The following GMDS variants were observed in gnomAD, a reference collection of about 807,000 sequenced individuals.
The protein encoded by GMDS is GDP-mannose 4,6 dehydratase.
Under a neutral mutation model 49.9 loss-of-function variants are expected in GMDS, and 20 were observed. The observed-to-expected ratio is 0.40, with a 90% CI of 0.28 to 0.58. The LOEUF (loss-of-function observed/expected upper bound fraction) is 0.58. Ranked by LOEUF, GMDS falls within the 20% of genes least tolerant of loss-of-function variation. The probability of loss-of-function intolerance (pLI) is 0.42; values close to 1 mark genes in which losing one functional copy is unlikely to be tolerated. For missense variants in GMDS, 362 were observed against 481.4 expected (o/e 0.75, Z 2.32); for synonymous variants, 177 against 178.6 (o/e 0.99, Z 0.07).
chr6:2,019,862 G>A (rs528254695), intron 4 of GMDS, among the ~76,000 whole-genome samples: 1 of 152,168 alleles, frequency 6.6e-6, no homozygotes, highest in South Asian at 2.1e-4. Flanking sequence ...TTTGCCCTTT[G>A]TTCTACTGAT....
At chr6:1,970,875 A>T (rs1471576485) in intron 4 of GMDS, among the ~76,000 whole-genome samples, 2 of 150,612 alleles carry the variant, frequency 1.3e-5, no homozygotes, top group Non-Finnish European at 3.0e-5. Context: ...AGGTGATGGG[A>T]TGATAGGTGC....
intron 7 of GMDS, among the ~76,000 whole-genome samples, chr6:1,751,421 CA>C (rs1413946963): frequency 3.3e-5 from 5 of 152,038 alleles, no homozygotes; most frequent in African/African-American, 1.2e-4. Context: ...CTGGTGATAC[CA>C]AAAAAAACTG....
chr6:1,973,745 A>C (rs747993022), intron 4 of GMDS, among the ~76,000 whole-genome samples: 17 of 152,208 alleles, frequency 1.1e-4, no homozygotes, highest in Admixed American at 2.0e-4. Flanking sequence ...GGAAGAGAGC[A>C]ATAACCTTGG....
At chr6:2,134,879 AAT>A in intron 1 of GMDS, among the ~76,000 whole-genome samples, 1 of 152,358 alleles carries the variant, frequency 6.6e-6, no homozygotes, top group African/African-American at 2.4e-5. Context: ...CTATCAAAAT[AAT>A]ATCTTACATT....
chr6:2,018,950 C>T (rs919082206), intron 4 of GMDS, among the ~76,000 whole-genome samples: 3 of 152,010 alleles, frequency 2.0e-5, no homozygotes, highest in Non-Finnish European at 2.9e-5. Flanking sequence ...TACATTCACA[C>T]CAGCAGTGTA....
At chr6:2,061,718 C>CAAAAAA (rs68037512) in intron 4 of GMDS, among the ~76,000 whole-genome samples, 3 of 57,092 alleles carry the variant, frequency 5.3e-5, no homozygotes, top group Non-Finnish European at 9.2e-5. Context: ...GACTCTGTCT[C>CAAAAAA]AAAAAAAAAA....
intron 7 of GMDS, among the ~76,000 whole-genome samples, chr6:1,882,846 G>A (rs544339220): frequency 4.6e-4 from 70 of 152,194 alleles, no homozygotes; most frequent in South Asian, 1.2e-3. Context: ...AGAATTCCCC[G>A]GTCTTTATAA....
At chr6:1,726,621 C>A (rs1476874067) in intron 8 of GMDS, 109 bp from the exon 9 acceptor site, 5 of 753,612 alleles carry the variant, frequency 6.6e-6, no homozygotes, top group Non-Finnish European at 1.2e-5. Context: ...CGCTTAAGCT[C>A]ATTAACCACA....
intron 4 of GMDS, among the ~76,000 whole-genome samples, chr6:2,030,448 T>C (rs985207948): frequency 2.6e-5 from 4 of 152,202 alleles, no homozygotes; most frequent in Admixed American, 1.3e-4. Flanking sequence ...ACTTCCAATG[T>C]TGTCCCAACT....
intron 7 of GMDS, among the ~76,000 whole-genome samples, chr6:1,890,900 G>T (rs181492501): frequency 6.6e-6 from 1 of 152,306 alleles, no homozygotes; most frequent in East Asian, 1.9e-4. Flanking sequence ...AACAGTTGAT[G>T]CCTCAATTTT....
intron 7 of GMDS, among the ~76,000 whole-genome samples, chr6:1,749,765 GC>G (rs1767651258): frequency 6.6e-6 from 1 of 152,024 alleles, no homozygotes; most frequent in African/African-American, 2.4e-5. Flanking sequence ...AAAATTCATA[GC>G]CTGTGTGTAT....
At position 2,021,394 on chromosome 6, in the gene GMDS, T is replaced by C. The variant is rs899590364; in HGVS notation, c.346-60428A>G. Among the ~76,000 whole-genome samples, 15 of 152,288 alleles carry C rather than the reference T, an allele frequency of 9.8e-5. 1 individual carries two copies. The East Asian group carries it at 2.9e-3, about 29-fold the overall frequency. ...TCAACAGATGAGACACTAGTTGTAG[T>C]GGTCTCTAGACCCTTAAGATAGTCG... On this transcript the variant is annotated intron_variant, in intron 4 of 10. Transcript: ENST00000380815.
chr6:1,971,746 C>T (rs894860110), intron 4 of GMDS, among the ~76,000 whole-genome samples: 1 of 152,240 alleles, frequency 6.6e-6, no homozygotes, highest in Non-Finnish European at 1.5e-5. Context: ...TACTGCTTAG[C>T]ACACAGGAGG....
At chr6:2,228,818 C>G (rs992811629) in intron 1 of GMDS, among the ~76,000 whole-genome samples, 1 of 152,160 alleles carries the variant, frequency 6.6e-6, no homozygotes, top group Non-Finnish European at 1.5e-5. Flanking sequence ...CAATACCCCC[C>G]GTTGACAGCT....
intron 9 of GMDS, among the ~76,000 whole-genome samples, chr6:1,709,073 T>C (rs1001867167): frequency 6.6e-5 from 10 of 152,232 alleles, no homozygotes; most frequent in African/African-American, 2.4e-4. Flanking sequence ...CAGGTAGGCA[T>C]GACAGGTTAT....
At chr6:1,943,841 C>T (rs1253635629) in intron 6 of GMDS, among the ~76,000 whole-genome samples, 2 of 152,146 alleles carry the variant, frequency 1.3e-5, no homozygotes, top group East Asian at 1.9e-4. Context: ...AGAGCTGTAG[C>T]AAATAGAGGA....
intron 4 of GMDS, among the ~76,000 whole-genome samples, chr6:1,962,107 C>T (rs1763980272): frequency 6.6e-6 from 1 of 152,200 alleles, no homozygotes; most frequent in South Asian, 2.1e-4. Flanking sequence ...ATAAAATTCA[C>T]CCTTTTAACA....
chr6:2,054,814 C>CA (rs1171876658), intron 4 of GMDS, among the ~76,000 whole-genome samples: 2 of 150,756 alleles, frequency 1.3e-5, no homozygotes, highest in African/African-American at 4.9e-5. Flanking sequence ...AAAAACAAAA[C>CA]AAAACAAAAA....
chr6:2,087,497 G>A (rs1028912617), intron 4 of GMDS, among the ~76,000 whole-genome samples: 5 of 152,100 alleles, frequency 3.3e-5, no homozygotes, highest in Non-Finnish European at 7.4e-5. Context: ...AATCTTAACA[G>A]AAATATTCTC....
Sources: gnomAD v4.1 joint callset for allele counts (sites outside exome capture counted in the v4.1 genomes callset) on GRCh38, gnomAD v4.1.1 for gene constraint, MANE v1.5 for transcripts, NCBI Gene and HGNC (gene_info 2026-07-23, HGNC 2026-07-21) for gene names.